The following GEMIN8 variants were observed in gnomAD, a reference collection of about 807,000 sequenced individuals.
The protein encoded by GEMIN8 is gem nuclear organelle associated protein 8, also known as gem-associated protein 8.
For missense variants in GEMIN8, 185 were observed against 205.9 expected (o/e 0.90, Z 0.62); for synonymous variants, 80 against 78.5 (o/e 1.02, Z -0.10).
In GEMIN8 at chrX:14,008,597, C is replaced by A. The variant is rs1923310580; in HGVS notation, c.*316G>T. The A allele has an allele frequency of 7.7e-6, 2 of 258,859 alleles. No homozygotes were observed. The highest frequency in any genetic ancestry group is 1.3e-5 in the Non-Finnish European group (2 of 148,524). 21.3% of individuals were successfully genotyped at this position (258,859 alleles called of 1,213,427 possible). ...TTAAAGACAAGAAAAGATAAAAAAG[C>A]AAAACACCAGGCAGTATCTCTAGGC... On this transcript the variant is annotated 3_prime_UTR_variant, in exon 5 of 5. Coordinates refer to ENST00000680255, the MANE Select transcript of GEMIN8 (RefSeq NM_001042479.2).
At chrX:13,984,960 A>C in the GEMIN8 span, among the ~76,000 whole-genome samples, 36 of 111,516 alleles carry the variant, frequency 3.2e-4, no homozygotes, top group South Asian at 0.014. Context: ...TTCGGGCAAA[A>C]AGATGGTGAC....
At chrX:14,003,479 T>C (rs1159203035), downstream of GEMIN8, among the ~76,000 whole-genome samples, 2 of 112,828 alleles carry the variant, frequency 1.8e-5, no homozygotes, top group Admixed American at 9.4e-5. Context: ...AGGGTTTTTC[T>C]TGTTTTAAAA....
intron 2 of GEMIN8, among the ~76,000 whole-genome samples, chrX:14,025,246 C>G (rs1924614610): frequency 9.1e-6 from 1 of 109,682 alleles, no homozygotes; most frequent in African/African-American, 3.3e-5. Context: ...TTTATGCCAG[C>G]AATTTTTTTT....
intron 1 of GEMIN8, chrX:14,029,310 C>T (rs1345626155): frequency 8.9e-6 from 1 of 112,350 alleles, no homozygotes; most frequent in African/African-American, 3.2e-5. Flanking sequence ...ATATCCTAGA[C>T]ATCCTTCAAG....
intron 2 of GEMIN8, among the ~76,000 whole-genome samples, chrX:14,025,475 A>T (rs7885647): frequency 0.25 from 28,138 of 110,816 alleles, 2,734 homozygotes; most frequent in South Asian, 0.31. Flanking sequence ...AGTTGTATAG[A>T]TTCTCTCTGA....
At chrX:14,003,065 G>T (rs143198371), downstream of GEMIN8, among the ~76,000 whole-genome samples, 4,015 of 111,847 alleles carry the variant, frequency 0.036, 88 homozygotes, top group African/African-American at 0.086. Context: ...TATTTCTTCG[G>T]TGTCTCTGGA....
the GEMIN8 span, among the ~76,000 whole-genome samples, chrX:13,997,394 G>T: frequency 6.3e-5 from 7 of 111,455 alleles, no homozygotes; most frequent in South Asian, 2.6e-3. Context: ...ATGTGATTGA[G>T]GCCATCCTAG....
rs1451521206 is a variant in GEMIN8, at chrX:14,020,433, G to T, written c.117C>A (p.His39Gln). 2 of 1,203,266 alleles carry T rather than the reference G, an allele frequency of 1.7e-6. No homozygotes were observed. The highest frequency in any genetic ancestry group is 2.2e-5 in the Admixed American group (1 of 46,077). ...ATTCCACGGCCTTCCTGTAGGCATT[G>T]TGATGGCTTTGCATCCAAGCCATTG... The part of the protein sequence containing the change: ...HQAMAWMQSH[H>Q]NAYRKAVESC... Residue 39 changes from histidine (H) to glutamine (Q), a missense_variant, in exon 4 of 5, where the codon CAC becomes CAA. By Grantham distance (24) the His-to-Gln change is conservative (BLOSUM62 0). Coordinates refer to ENST00000680255, the MANE Select transcript of GEMIN8 (RefSeq NM_001042479.2).
the GEMIN8 span, among the ~76,000 whole-genome samples, chrX:13,990,761 G>A: frequency 8.9e-6 from 1 of 112,028 alleles, no homozygotes; most frequent in South Asian, 3.7e-4. Flanking sequence ...GTTGAGACAG[G>A]GTCTCTGGAG....
chrX:14,008,854 A>T lies in GEMIN8; in HGVS notation c.*59T>A. On this transcript the variant is annotated 3_prime_UTR_variant, in exon 5 of 5. Transcript: ENST00000680255. The stretch of plus-strand genomic sequence containing the variant: ...TTCCCTAAGAAATGTACAGAAGGAG[A>T]GATAAAGAGCGTGTACCCAAAAGGA... 1 of 1,073,481 alleles carries T rather than the reference A, an allele frequency of 9.3e-7. No homozygotes were observed. Among genetic ancestry groups the T allele is most frequent in the Non-Finnish European group, 1.3e-6 (1 of 781,843 alleles). 88.5% of individuals were successfully genotyped at this position (1,073,481 alleles called of 1,213,427 possible).
At chrX:13,998,235 T>C in the GEMIN8 span, among the ~76,000 whole-genome samples, 53 of 109,868 alleles carry the variant, frequency 4.8e-4, no homozygotes, top group African/African-American at 1.7e-3. Context: ...CAACCACACC[T>C]GGCTAATTTT....
chrX:14,015,348 T>G (rs1179917616), intron 4 of GEMIN8, among the ~76,000 whole-genome samples: 2 of 112,829 alleles, frequency 1.8e-5, no homozygotes, highest in Non-Finnish European at 3.7e-5. Context: ...CTTTAAAACT[T>G]CATAACTGTA....
chrX:14,020,849 A>T (rs1924263145), intron 3 of GEMIN8, among the ~76,000 whole-genome samples: 1 of 111,179 alleles, frequency 9.0e-6, no homozygotes, highest in Admixed American at 9.5e-5. Context: ...GAGAGAGAAG[A>T]CTGGATGTTT....
downstream of GEMIN8, among the ~76,000 whole-genome samples, chrX:14,004,233 T>C (rs750215959): frequency 5.3e-5 from 6 of 112,541 alleles, no homozygotes; most frequent in Non-Finnish European, 9.4e-5. Context: ...TTTTCATACA[T>C]GTAGTCTAGC....
intron 4 of GEMIN8, among the ~76,000 whole-genome samples, chrX:14,011,885 TATAG>T (rs758663820): frequency 5.2e-4 from 58 of 111,208 alleles, no homozygotes; most frequent in Non-Finnish European, 9.8e-4. Context: ...AACAATTATA[TATAG>T]AGAGATGTGT....
At chrX:13,992,823 G>C in the GEMIN8 span, among the ~76,000 whole-genome samples, 1 of 111,638 alleles carries the variant, frequency 9.0e-6, no homozygotes, top group Non-Finnish European at 1.9e-5. Flanking sequence ...TGACGATCTG[G>C]CTTATGTTTT....
At chrX:13,995,418 T>A in the GEMIN8 span, among the ~76,000 whole-genome samples, 4 of 112,150 alleles carry the variant, frequency 3.6e-5, no homozygotes, top group South Asian at 1.5e-3. Flanking sequence ...GCTCGTATTA[T>A]TACACTCATC....
At chrX:14,006,306 G>C (rs932446375), downstream of GEMIN8, among the ~76,000 whole-genome samples, 6 of 111,189 alleles carry the variant, frequency 5.4e-5, no homozygotes, top group Non-Finnish European at 1.1e-4. Flanking sequence ...TGGGATTACA[G>C]GTGTGAGCCA....
At chrX:14,019,836 T>C (rs1924182182) in intron 4 of GEMIN8, among the ~76,000 whole-genome samples, 1 of 111,045 alleles carries the variant, frequency 9.0e-6, no homozygotes, top group Non-Finnish European at 1.9e-5. Context: ...GGTTAATAAA[T>C]AGTAGAACTA....
Sources: gnomAD v4.1 joint callset for allele counts (sites outside exome capture counted in the v4.1 genomes callset) on GRCh38, gnomAD v4.1.1 for gene constraint, MANE v1.5 for transcripts, NCBI Gene and HGNC (gene_info 2026-07-23, HGNC 2026-07-21) for gene names.